The following PIR variants were observed in gnomAD, a reference collection of about 807,000 sequenced individuals.
PIR encodes pirin (iron-binding nuclear protein).
Under a neutral mutation model 24.2 loss-of-function variants are expected in PIR, and 22 were observed. That is an observed-to-expected ratio of 0.91 (90% CI 0.65 to 1.30). The LOEUF is 1.30. Ranked by LOEUF, PIR falls within the 50% of genes most tolerant of loss-of-function variation. The pLI, the probability that PIR is intolerant of heterozygous loss-of-function variation, is 0.00. For missense variants in PIR, 220 were observed against 220.3 expected, an observed-to-expected ratio of 1.00 and a Z score of 0.01; for synonymous variants, 80 against 79.6, an observed-to-expected ratio of 1.00 and a Z score of -0.03.
Position 15,455,947 on chromosome X carries a change from CACCATCTT to C in PIR, c.373_380del (p.Lys125GlyfsTer10). The C allele has an allele frequency of 1.7e-6, 2 of 1,208,789 alleles. No homozygotes were observed. Among genetic ancestry groups the C allele is most frequent in the Non-Finnish European group, 2.2e-6 (2 of 892,606 alleles). ...TTTTCAGTTCCTGGTACTGAGGCTC[CACCATCTT>C]CTCTGAGCTCCTCAAATTAACCCAC... On this transcript the variant is annotated frameshift_variant, in exon 5 of 10. Coordinates refer to ENST00000380420, the MANE Select transcript of PIR (RefSeq NM_001018109.3). LOFTEE classifies it high-confidence loss of function.
intron 5 of PIR, among the ~76,000 whole-genome samples, chrX:15,455,192 T>C (rs924853801): frequency 8.9e-6 from 1 of 112,352 alleles, no homozygotes; most frequent in Non-Finnish European, 1.9e-5. Context: ...GCAGTTCTGG[T>C]GTGCAATTAA....
Position 15,454,473 on chromosome X carries a change from TAA to T in PIR, c.480+1373_480+1374del, listed in dbSNP as rs56248489. Among the ~76,000 whole-genome samples the T allele has an allele frequency of 5.4e-3, 473 of 88,284 alleles. 3 individuals are homozygous for T. Among genetic ancestry groups the T allele is most frequent in the East Asian group, 0.014 (41 of 2,909 alleles). The allele number at this position is 88,284 out of a possible 115,157, so 76.7% of individuals were successfully genotyped here. ...ATCATATACCTAGGCAGGGTACAGG[TAA>T]AAAAAAAAAAAACAAAAAAACAAAA... On this transcript the variant is annotated intron_variant, in intron 5 of 9. Transcript: ENST00000380420.
At chrX:15,488,278 CA>C (rs1184870069) in intron 2 of PIR, among the ~76,000 whole-genome samples, 683 of 31,908 alleles carry the variant, frequency 0.021, no homozygotes, top group Non-Finnish European at 0.033. Context: ...AACTCCGTCT[CA>C]AAAAAAAAAA....
chrX:15,475,401 ATGTCCC>A (rs749917644), intron 3 of PIR, among the ~76,000 whole-genome samples: 1 of 111,504 alleles, frequency 9.0e-6, no homozygotes, highest in East Asian at 2.8e-4. Flanking sequence ...CCATCCTAAA[ATGTCCC>A]TGAAAAGCAG....
chrX:15,486,310 A>AAAAAAAAAAAAAAAAAAAAAAAAAC, intron 2 of PIR, among the ~76,000 whole-genome samples: 1 of 100,963 alleles, frequency 9.9e-6, no homozygotes, highest in African/African-American at 3.9e-5. Context: ...AAAAAAAAAA[A>AAAAAAAAAAAAAAAAAAAAAAAAAC]AGAAGGTCAA....
At chrX:15,406,444 A>T (rs1602249271) in intron 7 of PIR, among the ~76,000 whole-genome samples, 1 of 111,897 alleles carries the variant, frequency 8.9e-6, no homozygotes, top group East Asian at 2.8e-4. Context: ...GAAACTAGTA[A>T]ATGGCTTTTC....
intron 3 of PIR, among the ~76,000 whole-genome samples, chrX:15,461,222 T>C (rs781089377): frequency 2.7e-5 from 3 of 111,871 alleles, no homozygotes; most frequent in Non-Finnish European, 3.8e-5. Flanking sequence ...TTCACACAGG[T>C]GTGTGGGATG....
At chrX:15,397,613 A>T in intron 7 of PIR, 82 bp from the exon 8 acceptor site, 1 of 563,523 alleles carries the variant, frequency 1.8e-6, no homozygotes, top group Non-Finnish European at 3.0e-6. Flanking sequence ...ACTATATAGC[A>T]CCACAACATT....
intron 7 of PIR, among the ~76,000 whole-genome samples, 169 bp from the exon 8 acceptor site, chrX:15,397,700 C>A (rs1171123604): frequency 1.8e-5 from 2 of 110,575 alleles, no homozygotes; most frequent in Admixed American, 9.7e-5. Flanking sequence ...TTATTAAAGC[C>A]TGAAACTAGT....
At chrX:15,441,616 T>C (rs985222044) in intron 5 of PIR, among the ~76,000 whole-genome samples, 1 of 111,477 alleles carries the variant, frequency 9.0e-6, no homozygotes, top group African/African-American at 3.3e-5. Context: ...CCCTCCCTAA[T>C]ATCCCCATGA....
At chrX:15,435,200 A>C (rs1006036296) in intron 5 of PIR, among the ~76,000 whole-genome samples, 3 of 111,127 alleles carry the variant, frequency 2.7e-5, no homozygotes, top group Admixed American at 1.9e-4. Flanking sequence ...CTGTCAAAAA[A>C]AGAAAAAGAG....
chrX:15,438,350 T>C (rs1925812117), intron 5 of PIR, among the ~76,000 whole-genome samples: 2 of 112,186 alleles, frequency 1.8e-5, no homozygotes. Flanking sequence ...CTTAAGCCTT[T>C]TCAGTCTTTA....
At chrX:15,455,703 G>A in intron 5 of PIR, 145 bp downstream of exon 5, 1 of 492,703 alleles carries the variant, frequency 2.0e-6, no homozygotes, top group East Asian at 3.5e-5. Flanking sequence ...GTTTTCTTAG[G>A]TTGCACTTAT....
rs775638888 is a variant in PIR at position 15,483,271 on chromosome X, T to C, written c.97-3450A>G. On this transcript the variant is annotated intron_variant, in intron 2 of 9. Transcript: ENST00000380420. ...CAACCCATATAAAGCTGGGGCACTTTGTAGCCTATCTCAACCTGGTGTTTC... is the reference window on the plus strand; with the variant it reads ...CAACCCATATAAAGCTGGGGCACTTCGTAGCCTATCTCAACCTGGTGTTTC... Among the ~76,000 whole-genome samples the C allele has an allele frequency of 6.4e-5, 7 of 109,745 alleles. No individual in the cohort carries two copies. The South Asian group carries it at 2.2e-3, about 35-fold the overall frequency.
In PIR at chrX:15,444,072, T is replaced by C. The variant is rs145562647; in HGVS notation, c.480+11776A>G. ...GGGTTGGAGAGTACTGACTCCAATTTTGAAAGAAGTTCCACTGTGGGTAAA... is the reference window on the plus strand; with the variant it reads ...GGGTTGGAGAGTACTGACTCCAATTCTGAAAGAAGTTCCACTGTGGGTAAA... On this transcript the variant is annotated intron_variant, in intron 5 of 9. Transcript: ENST00000380420. Among the ~76,000 whole-genome samples the C allele has an allele frequency of 5.3e-5, 6 of 112,683 alleles. No individual in the cohort carries two copies. In the East Asian group the frequency reaches 1.7e-3, roughly 31 times the overall value.
chrX:15,433,530 A>AAGAAAGAAAGAAAGAG (rs1569201498), intron 5 of PIR, among the ~76,000 whole-genome samples: 1 of 79,256 alleles, frequency 1.3e-5, no homozygotes, highest in Non-Finnish European at 2.3e-5. Flanking sequence ...GAAAGAAAGA[A>AAGAAAGAAAGAAAGAG]AGAAAGAAAG....
At chrX:15,385,432 CA>C (rs1923711509) in intron 9 of PIR, among the ~76,000 whole-genome samples, 1 of 111,503 alleles carries the variant, frequency 9.0e-6, no homozygotes, top group Admixed American at 9.5e-5. Flanking sequence ...CTATTACAAC[CA>C]ATTTTGTAGT....
intron 3 of PIR, among the ~76,000 whole-genome samples, chrX:15,469,564 G>T (rs1435415783): frequency 8.9e-6 from 1 of 111,808 alleles, no homozygotes; most frequent in Non-Finnish European, 1.9e-5. Flanking sequence ...AGATTCCAGA[G>T]GAATGAGGGA....
chrX:15,465,489 G>A (rs1921522593), intron 3 of PIR, among the ~76,000 whole-genome samples: 2 of 111,904 alleles, frequency 1.8e-5, no homozygotes, highest in Admixed American at 9.5e-5. Context: ...CAAACACCTG[G>A]AGAATTGCCG....
Sources: allele counts gnomAD v4.1 joint callset (sites outside exome capture counted in the v4.1 genomes callset), GRCh38; gene constraint gnomAD v4.1.1; transcripts MANE v1.5; gene names NCBI Gene and HGNC (gene_info 2026-07-23, HGNC 2026-07-21).